ARHGAP6: variants seen among roughly 807,000 people sequenced by gnomAD.
ARHGAP6 encodes Rho GTPase activating protein 6.
A neutral mutation model predicts 55.7 loss-of-function variants in ARHGAP6; 16 were observed. The observed-to-expected ratio is 0.29, with a 90% CI of 0.19 to 0.44. The LOEUF (loss-of-function observed/expected upper bound fraction) is 0.44, where lower values mean the gene tolerates loss of function less well. ARHGAP6 is among the 20% of genes least tolerant of loss of function. The pLI, the probability that ARHGAP6 is intolerant of heterozygous loss-of-function variation, is 1.00. For missense variants in ARHGAP6, 698 were observed against 808.9 expected (o/e 0.86, Z 1.66); for synonymous variants, 382 against 360.9 (o/e 1.06, Z -0.66).
intron 1 of ARHGAP6, among the ~76,000 whole-genome samples, chrX:11,381,101 C>T (rs1326165790): frequency 1.8e-5 from 2 of 112,629 alleles, no homozygotes; most frequent in Admixed American, 1.9e-4. Context: ...GGCATGGGGC[C>T]TGGCCCCAAA....
chrX:11,658,838 G>A (rs905009867), intron 1 of ARHGAP6, among the ~76,000 whole-genome samples: 1 of 109,277 alleles, frequency 9.2e-6, no homozygotes, highest in Non-Finnish European at 1.9e-5. Flanking sequence ...GACATTTTAT[G>A]TAAGATAAGT....
intron 1 of ARHGAP6, among the ~76,000 whole-genome samples, chrX:11,490,241 T>TCC (rs1373241601): frequency 1.8e-5 from 2 of 111,446 alleles, no homozygotes; most frequent in East Asian, 5.6e-4. Flanking sequence ...TAAGAGACTC[T>TCC]CCCTTGCTGA....
At chrX:11,508,690 T>C (rs1340163582) in intron 1 of ARHGAP6, among the ~76,000 whole-genome samples, 2 of 109,705 alleles carry the variant, frequency 1.8e-5, no homozygotes, top group Non-Finnish European at 3.8e-5. Flanking sequence ...AGTCTTCCAC[T>C]GTATGCCTCC....
At chrX:11,408,808 T>C (rs1398909455) in intron 1 of ARHGAP6, among the ~76,000 whole-genome samples, 3 of 110,058 alleles carry the variant, frequency 2.7e-5, no homozygotes, top group Non-Finnish European at 5.7e-5. Flanking sequence ...ATCCTGGCAA[T>C]AAAAGACCTC....
intron 1 of ARHGAP6, among the ~76,000 whole-genome samples, chrX:11,354,584 A>G (rs914319476): frequency 9.1e-6 from 1 of 109,574 alleles, no homozygotes; most frequent in Admixed American, 9.8e-5. Context: ...TATTTTCCCC[A>G]CAAACCATAT....
chrX:11,665,027 T>C lies in ARHGAP6; in HGVS notation c.-199A>G. Reference sequence around the variant, plus strand: ...CCCCGGCGGCGGCAGGAGCAGCAGATCCATCACCAGCCTTCTAGGAAAATG... The same window carrying C: ...CCCCGGCGGCGGCAGGAGCAGCAGACCCATCACCAGCCTTCTAGGAAAATG... On this transcript the variant is annotated 5_prime_UTR_variant, in exon 1 of 13. Transcript: ENST00000337414. The C allele has an allele frequency of 2.6e-6, 1 of 385,649 alleles. No individual in the cohort carries two copies. The highest frequency in any genetic ancestry group is 4.4e-6 in the Non-Finnish European group (1 of 228,105). 31.8% of individuals were successfully genotyped at this position (385,649 alleles called of 1,213,427 possible).
At chrX:11,222,599 C>A (rs887627403) in intron 2 of ARHGAP6, among the ~76,000 whole-genome samples, 2 of 112,028 alleles carry the variant, frequency 1.8e-5, no homozygotes. Flanking sequence ...GAAAATATTT[C>A]AAACGTGTTT....
chrX:11,297,834 G>T, intron 1 of ARHGAP6, among the ~76,000 whole-genome samples: 1 of 112,138 alleles, frequency 8.9e-6, no homozygotes, highest in Middle Eastern at 4.7e-3. Flanking sequence ...TTAACATCAT[G>T]TCATATTATT....
chrX:11,625,710 A>G (rs1045315458), intron 1 of ARHGAP6, among the ~76,000 whole-genome samples: 1 of 112,613 alleles, frequency 8.9e-6, no homozygotes, highest in African/African-American at 3.2e-5. Context: ...CAAATAAATG[A>G]CAAATGTTTG....
chrX:11,491,485 T>G (rs2050567539), intron 1 of ARHGAP6, among the ~76,000 whole-genome samples: 1 of 111,019 alleles, frequency 9.0e-6, no homozygotes, highest in South Asian at 3.9e-4. Flanking sequence ...CTTCTTGCGA[T>G]AGTTTACTGA....
intron 1 of ARHGAP6, among the ~76,000 whole-genome samples, chrX:11,258,417 G>A (rs185721913): frequency 2.7e-3 from 299 of 110,190 alleles, no homozygotes; most frequent in Admixed American, 4.3e-3. Context: ...ATGGCAGAGG[G>A]AATTATGTTT....
At chrX:11,354,977 G>A (rs2147678921) in intron 1 of ARHGAP6, among the ~76,000 whole-genome samples, 1 of 111,753 alleles carries the variant, frequency 8.9e-6, no homozygotes, top group South Asian at 3.7e-4. Context: ...TAGATTAAAA[G>A]GTTAGGATGA....
intron 10 of ARHGAP6, among the ~76,000 whole-genome samples, chrX:11,155,249 C>T (rs2045847550): frequency 8.9e-6 from 1 of 112,105 alleles, no homozygotes; most frequent in East Asian, 2.8e-4. Context: ...ACATGTGTTA[C>T]TGTTTATAAG....
chrX:11,227,807 T>C (rs749351437), intron 2 of ARHGAP6, among the ~76,000 whole-genome samples: 2 of 110,180 alleles, frequency 1.8e-5, no homozygotes, highest in Non-Finnish European at 3.8e-5. Context: ...TTTCTTTTTT[T>C]TTTTTTGACT....
At chrX:11,257,464 A>T (rs987501936) in intron 1 of ARHGAP6, among the ~76,000 whole-genome samples, 1 of 112,472 alleles carries the variant, frequency 8.9e-6, no homozygotes, top group Non-Finnish European at 1.9e-5. Flanking sequence ...GAGTGTGGCC[A>T]TATGCCAATA....
At chrX:11,659,188 G>A (rs529297136) in intron 1 of ARHGAP6, among the ~76,000 whole-genome samples, 3 of 111,804 alleles carry the variant, frequency 2.7e-5, no homozygotes, top group East Asian at 5.6e-4. Context: ...CCAACTCCCA[G>A]TTATTTATAG....
At chrX:11,157,535 A>G (rs955919903) in intron 9 of ARHGAP6, among the ~76,000 whole-genome samples, 1 of 112,330 alleles carries the variant, frequency 8.9e-6, no homozygotes, top group Non-Finnish European at 1.9e-5. Flanking sequence ...AATGTTCTAT[A>G]AGAGATGATT....
intron 1 of ARHGAP6, among the ~76,000 whole-genome samples, chrX:11,341,849 A>G (rs1172159175): frequency 2.7e-5 from 3 of 111,537 alleles, no homozygotes; most frequent in African/African-American, 9.8e-5. Context: ...ACCCCATCCT[A>G]TCAGGGGGAA....
intron 1 of ARHGAP6, among the ~76,000 whole-genome samples, chrX:11,464,065 A>G (rs1157834957): frequency 9.0e-6 from 1 of 111,022 alleles, no homozygotes; most frequent in Non-Finnish European, 1.9e-5. Context: ...AGCTATGGTT[A>G]CTTTGAGTTT....
Sources: gnomAD v4.1 joint callset for allele counts (sites outside exome capture counted in the v4.1 genomes callset) on GRCh38, gnomAD v4.1.1 for gene constraint, MANE v1.5 for transcripts, NCBI Gene and HGNC (gene_info 2026-07-23, HGNC 2026-07-21) for gene names.